Variants in CAP2 observed in about 807,000 individuals in gnomAD.
CAP2 encodes the protein cyclase associated actin cytoskeleton regulatory protein 2, also known as adenylyl cyclase-associated protein 2.
CAP2 carries 24 observed loss-of-function variants against 57.7 expected under a neutral mutation model. The observed-to-expected ratio is 0.42, with a 90% CI of 0.30 to 0.58. The LOEUF is 0.58. Ranked by LOEUF, CAP2 falls within the 20% of genes least tolerant of loss-of-function variation. The probability of loss-of-function intolerance (pLI) is 0.22; values close to 1 mark genes in which losing one functional copy is unlikely to be tolerated. For missense variants in CAP2, 501 were observed against 590.3 expected (o/e 0.85, Z 1.57); for synonymous variants, 194 against 207.2 (o/e 0.94, Z 0.55).
At position 17,507,770 on chromosome 6, in the gene CAP2, G is replaced by C. The variant is rs201244167; in HGVS notation, c.530+44G>C. ...TCACCAAATTTTCAGTTGATTACTT[G>C]TTAGACATTTGTCCCTAAAACTCAG... On this transcript the variant is annotated intron_variant, in intron 6 of 12. Transcript: ENST00000229922. 3 of 1,066,110 alleles carry C rather than the reference G, an allele frequency of 2.8e-6. No individual in the cohort carries two copies. The African/African-American group carries it at 4.7e-5, about 17-fold the overall frequency. The allele number at this position is 1,066,110 out of a possible 1,614,324, so 66.0% of individuals were successfully genotyped here. A position where few individuals can be genotyped will look rare whatever the true frequency, so the allele number is the denominator to read the frequency against.
chr6:17,491,721 G>A lies in CAP2; in HGVS notation c.301-15448G>A, dbSNP rs181892735. ...ATCTCAGTTCTAGCCAGATGATCTT[G>A]GGCAAGTTACTAAGTATTTCTTGAT... On this transcript the variant is annotated intron_variant, in intron 4 of 12. Coordinates refer to ENST00000229922, the MANE Select transcript of CAP2 (RefSeq NM_006366.3). Among the ~76,000 whole-genome samples, 158 of 152,238 alleles carry A rather than the reference G, an allele frequency of 1.0e-3. 1 individual carries two copies. Among genetic ancestry groups the A allele is most frequent in the African/African-American group, 3.5e-3 (144 of 41,538 alleles).
intron 11 of CAP2, among the ~76,000 whole-genome samples, chr6:17,545,750 A>G (rs1404306905): frequency 1.3e-5 from 2 of 151,982 alleles, no homozygotes; most frequent in East Asian, 3.9e-4. Context: ...CCTGTGTCCA[A>G]ATGTTCTCAT....
At chr6:17,438,643 G>A (rs111502948) in intron 3 of CAP2, among the ~76,000 whole-genome samples, 72,881 of 145,210 alleles carry the variant, frequency 0.5, 19,547 homozygotes, top group East Asian at 0.85. Context: ...GTTTCACAGT[G>A]TTAGCCAGGA....
intron 11 of CAP2, 93 bp from the exon 12 acceptor site, chr6:17,551,370 AG>A (rs553934507): frequency 9.2e-7 from 1 of 1,082,364 alleles, no homozygotes; most frequent in South Asian, 1.6e-5. Flanking sequence ...GTTAAGCCCA[AG>A]CTAAAGCCAA....
rs773997550 is a variant in CAP2 at position 17,525,504 on chromosome 6, A to G, written c.636+11550A>G. On this transcript the variant is annotated intron_variant, in intron 7 of 12. Transcript: ENST00000229922. ...AAGAAAGAAAAAAGAAGCTTCTCCA[A>G]CCTCTGCTTATCACCATGCCCACCA... 4.3e-4 allele frequency among the ~76,000 whole-genome samples: 66 copies of G among 151,766 alleles called. 1 individual carries two copies. The Middle Eastern group carries it at 0.021, about 48-fold the overall frequency.
intron 7 of CAP2, chr6:17,531,069 A>T: frequency 1.3e-6 from 1 of 775,822 alleles, no homozygotes. Context: ...GATCTCATGA[A>T]TCAGATCCTC....
Position 17,543,091 on chromosome 6 carries a change from A to T in CAP2, c.1157A>T (p.Asp386Val). 6.2e-7 allele frequency: 1 copy of T among 1,614,128 alleles called. No individual in the cohort carries two copies. Among genetic ancestry groups the T allele is most frequent in the Non-Finnish European group, 8.5e-7 (1 of 1,180,012 alleles). ...DNCKKLGLVF[D>V]NVVGIVEVIN... ...TGTAAAAAACTCGGCCTGGTGTTTG[A>T]CAATGTGGTGGGCATTGTGGAAGTG... The change falls in exon 11 of 13, where the codon GAC becomes GTC. Residue 386 changes from aspartate to valine, a missense_variant. By Grantham distance (152) the Asp-to-Val change is radical (BLOSUM62 -3). Coordinates refer to ENST00000229922, the MANE Select transcript of CAP2 (RefSeq NM_006366.3).
At chr6:17,398,813 CG>C (rs1239074731) in intron 1 of CAP2, among the ~76,000 whole-genome samples, 1 of 152,110 alleles carries the variant, frequency 6.6e-6, no homozygotes, top group Non-Finnish European at 1.5e-5. Context: ...CGTGAGCCAC[CG>C]TGCCCGGTCC....
intron 7 of CAP2, among the ~76,000 whole-genome samples, chr6:17,519,664 G>A (rs1184173153): frequency 6.6e-6 from 1 of 152,108 alleles, no homozygotes; most frequent in African/African-American, 2.4e-5. Context: ...AGGATCCCTC[G>A]CAGTTGGTCA....
intron 4 of CAP2, among the ~76,000 whole-genome samples, chr6:17,492,605 T>C (rs1386798433): frequency 6.6e-6 from 1 of 152,250 alleles, no homozygotes; most frequent in Admixed American, 6.5e-5. Flanking sequence ...TTTCTCCTCA[T>C]TGATGTTCCA....
At chr6:17,411,257 A>G (rs1349221539) in intron 1 of CAP2, among the ~76,000 whole-genome samples, 2 of 152,200 alleles carry the variant, frequency 1.3e-5, no homozygotes, top group Admixed American at 1.3e-4. Context: ...CTGCTATGAC[A>G]TTTGTGCACA....
At chr6:17,486,069 G>C (rs1365925440) in intron 4 of CAP2, among the ~76,000 whole-genome samples, 1 of 152,152 alleles carries the variant, frequency 6.6e-6, no homozygotes, top group Admixed American at 6.5e-5. Flanking sequence ...AATAAGCCAG[G>C]CATGGTGGCA....
chr6:17,437,197 CTCTG>C (rs961541416), intron 3 of CAP2, among the ~76,000 whole-genome samples: 3 of 152,138 alleles, frequency 2.0e-5, no homozygotes, highest in Non-Finnish European at 2.9e-5. Context: ...CATCCTCCTG[CTCTG>C]TCTGTGGAAA....
chr6:17,401,990 AAT>A (rs1758830435), intron 1 of CAP2, among the ~76,000 whole-genome samples: 1 of 152,212 alleles, frequency 6.6e-6, no homozygotes, highest in African/African-American at 2.4e-5. Context: ...TATAATATAT[AAT>A]TGGGGATGGA....
intron 7 of CAP2, chr6:17,530,845 G>T (rs1762622763): frequency 5.0e-6 from 4 of 807,222 alleles, no homozygotes; most frequent in Non-Finnish European, 7.9e-6. Flanking sequence ...TTGAGAGCAG[G>T]TACTGTTTAT....
At chr6:17,487,669 C>T (rs1167986486) in intron 4 of CAP2, among the ~76,000 whole-genome samples, 2 of 152,206 alleles carry the variant, frequency 1.3e-5, no homozygotes, top group African/African-American at 4.8e-5. Flanking sequence ...GGGGGTTTCA[C>T]CATGTTGGCC....
intron 11 of CAP2, among the ~76,000 whole-genome samples, chr6:17,547,942 T>C (rs1763087454): frequency 6.6e-6 from 1 of 150,496 alleles, no homozygotes; most frequent in Admixed American, 6.6e-5. Context: ...CCCAACAAAA[T>C]AAGTGCCTTT....
intron 4 of CAP2, among the ~76,000 whole-genome samples, chr6:17,465,893 C>T (rs767215056): frequency 7.9e-5 from 12 of 152,162 alleles, no homozygotes; most frequent in Non-Finnish European, 1.6e-4. Context: ...CCACAGCGTT[C>T]CCTGGGAAGC....
intron 1 of CAP2, among the ~76,000 whole-genome samples, chr6:17,417,045 G>T (rs1023483372): frequency 6.6e-6 from 1 of 151,942 alleles, no homozygotes; most frequent in African/African-American, 2.4e-5. Context: ...GCTGCAGTGA[G>T]CTGTGATTGT....
Sources: allele counts gnomAD v4.1 joint callset (sites outside exome capture counted in the v4.1 genomes callset), GRCh38; gene constraint gnomAD v4.1.1; transcripts MANE v1.5; gene names NCBI Gene and HGNC (gene_info 2026-07-23, HGNC 2026-07-21).